The following GARNL3 variants were observed in gnomAD, a reference collection of about 807,000 sequenced individuals.
GARNL3 encodes the protein GTPase-activating Rap/Ran-GAP domain-like protein 3.
A neutral mutation model predicts 125.0 loss-of-function variants in GARNL3; 63 were observed. The ratio of observed to expected loss-of-function variants is 0.50; its 90% CI spans 0.41 to 0.62. The LOEUF (loss-of-function observed/expected upper bound fraction) is 0.62. GARNL3 is among the 20% of genes least tolerant of loss of function. The pLI is 0.00. For missense variants in GARNL3, 994 were observed against 1,244.0 expected (o/e 0.80, Z 3.02); for synonymous variants, 439 against 457.5 (o/e 0.96, Z 0.52).
intron 6 of GARNL3, among the ~76,000 whole-genome samples, chr9:127,322,133 C>T (rs943585534): frequency 6.6e-6 from 1 of 152,198 alleles, no homozygotes; most frequent in African/African-American, 2.4e-5. Context: ...ACAAGTGATA[C>T]TTTATAGCAA....
At chr9:127,333,172 G>A in intron 9 of GARNL3, 51 bp downstream of exon 9, 2 of 1,446,164 alleles carry the variant, frequency 1.4e-6, no homozygotes, top group Non-Finnish European at 1.9e-6. Context: ...ACTTTTGTAA[G>A]TCAGCCTGAC....
At chr9:127,383,578 C>T (rs1832386097) in intron 23 of GARNL3, 33 bp downstream of exon 23, 3 of 1,398,132 alleles carry the variant, frequency 2.1e-6, no homozygotes, top group East Asian at 4.6e-5. Context: ...TGCTTTTCTC[C>T]TTCATGGATA....
At chr9:127,276,620 C>T (rs752941956) in intron 1 of GARNL3, among the ~76,000 whole-genome samples, 9 of 152,252 alleles carry the variant, frequency 5.9e-5, no homozygotes, top group Non-Finnish European at 1.2e-4. Flanking sequence ...CCATAGGCAA[C>T]TAAACTGCAA....
chr9:127,265,768 T>C (rs1239397558), intron 1 of GARNL3, among the ~76,000 whole-genome samples: 1 of 152,234 alleles, frequency 6.6e-6, no homozygotes, highest in Non-Finnish European at 1.5e-5. Flanking sequence ...ACTATTTCTA[T>C]TTATTAAAAA....
At chr9:127,353,636 C>T (rs998845883) in intron 17 of GARNL3, 2 of 557,986 alleles carry the variant, frequency 3.6e-6, no homozygotes, top group African/African-American at 3.8e-5. Flanking sequence ...TATAGAATTG[C>T]CTATGGGAAG....
intron 12 of GARNL3, among the ~76,000 whole-genome samples, chr9:127,338,668 G>T (rs1253506783): frequency 6.6e-6 from 1 of 152,186 alleles, no homozygotes; most frequent in Non-Finnish European, 1.5e-5. Context: ...ACAATCAGAG[G>T]CAATACTGTA....
intron 3 of GARNL3, 131 bp from the exon 4 acceptor site, chr9:127,313,310 T>C (rs1229938774): frequency 1.4e-6 from 1 of 732,096 alleles, no homozygotes; most frequent in Middle Eastern, 3.3e-4. Flanking sequence ...TCAGGGTCCA[T>C]CCCAAGCTGG....
rs2064086081 is a variant in GARNL3 at position 127,280,952 on chromosome 9, A to G, written c.145-10216A>G. ...TGGCTCAGAAGATTGGATGGTGGTG[A>G]GGATCTAGCCATAATCAAATAGCAT... On this transcript the variant is annotated intron_variant, in intron 1 of 27. Coordinates refer to ENST00000373387, the MANE Select transcript of GARNL3 (RefSeq NM_032293.5). This position sits in a 1 kb window ranked among gnomAD's most constrained non-coding sequence, Gnocchi z 4.5. Among the ~76,000 whole-genome samples the G allele has an allele frequency of 1.3e-5, 2 of 152,172 alleles. No homozygotes were observed. Among genetic ancestry groups the G allele is most frequent in the African/African-American group, 2.4e-5 (1 of 41,440 alleles).
intron 2 of GARNL3, chr9:127,300,514 G>A (rs2064750004): frequency 2.7e-6 from 1 of 366,756 alleles, no homozygotes; most frequent in South Asian, 2.2e-5. Flanking sequence ...GAGTGCAGTG[G>A]TGGGATCTTG....
chr9:127,228,143 T>G (rs1290293520), intron 1 of GARNL3, among the ~76,000 whole-genome samples: 1 of 152,238 alleles, frequency 6.6e-6, no homozygotes, highest in Non-Finnish European at 1.5e-5. Context: ...TTCTGAAATC[T>G]CTTTTAAATT....
At chr9:127,339,393 G>A (rs1829739392) in intron 12 of GARNL3, among the ~76,000 whole-genome samples, 1 of 152,148 alleles carries the variant, frequency 6.6e-6, no homozygotes, top group Non-Finnish European at 1.5e-5. Flanking sequence ...GTCTTACATG[G>A]TGGCGGCAAG....
intron 2 of GARNL3, among the ~76,000 whole-genome samples, chr9:127,256,563 A>T (rs2063498799): frequency 1.3e-5 from 2 of 152,220 alleles, no homozygotes; most frequent in South Asian, 4.1e-4. Context: ...CAGGGACCGC[A>T]TATCTCAGGT....
At chr9:127,313,046 C>T (rs1455674116) in intron 3 of GARNL3, among the ~76,000 whole-genome samples, 2 of 152,184 alleles carry the variant, frequency 1.3e-5, no homozygotes, top group Non-Finnish European at 2.9e-5. Flanking sequence ...TCTGCTTCCC[C>T]ATCCTTAGTG....
Position 127,242,812 on chromosome 9 carries a change from G to A in GARNL3, c.-28-267G>A, listed in dbSNP as rs1330418023. Among the ~76,000 whole-genome samples the A allele has an allele frequency of 6.6e-6, 1 of 152,094 alleles. No individual in the cohort carries two copies. Among genetic ancestry groups the A allele is most frequent in the Non-Finnish European group, 1.5e-5 (1 of 68,026 alleles). Reference sequence around the variant, plus strand: ...GTTTGTGATTGTTCAAATGCTCACTGGGCCTCCTTTTACTTTATACTCCGC... The same window carrying A: ...GTTTGTGATTGTTCAAATGCTCACTAGGCCTCCTTTTACTTTATACTCCGC... On this transcript the variant is annotated intron_variant, in intron 1 of 10. Coordinates refer to the GARNL3 transcript ENST00000439286. The surrounding 1 kb of genome is among the most constrained non-coding windows in gnomAD (Gnocchi z 4.6).
Position 127,351,476 on chromosome 9 carries a change from A to T in GARNL3, c.1544-2370A>T, listed in dbSNP as rs551492023. 4.6e-4 allele frequency among the ~76,000 whole-genome samples: 62 copies of T among 135,376 alleles called. No homozygotes were observed. In the East Asian group the frequency reaches 0.012, roughly 26 times the overall value. 88.8% of individuals were successfully genotyped at this position (135,376 alleles called of 152,430 possible). A position where few individuals can be genotyped will look rare whatever the true frequency, so the allele number is the denominator to read the frequency against. Reference sequence around the variant, plus strand: ...ATGATGCTTCTGTTTGTTTTTGCTTAAAAAAAAAAGAAGAAGAATCTTCAG... The same window carrying T: ...ATGATGCTTCTGTTTGTTTTTGCTTTAAAAAAAAAGAAGAAGAATCTTCAG... On this transcript the variant is annotated intron_variant, in intron 17 of 27. Coordinates refer to ENST00000373387, the MANE Select transcript of GARNL3 (RefSeq NM_032293.5).
At chr9:127,230,898 A>G (rs1178225007) in intron 1 of GARNL3, among the ~76,000 whole-genome samples, 2 of 150,974 alleles carry the variant, frequency 1.3e-5, no homozygotes, top group Non-Finnish European at 2.9e-5. Context: ...AGGGGTGTTT[A>G]GAGGTGAAAC....
intron 1 of GARNL3, among the ~76,000 whole-genome samples, chr9:127,270,037 A>G (rs973876143): frequency 6.6e-6 from 1 of 152,142 alleles, no homozygotes; most frequent in Admixed American, 6.5e-5. Context: ...ATTCTCTTGT[A>G]TGTTTTCTTC....
At chr9:127,299,853 C>T (rs1564895161) in intron 2 of GARNL3, among the ~76,000 whole-genome samples, 1 of 152,124 alleles carries the variant, frequency 6.6e-6, no homozygotes, top group African/African-American at 2.4e-5. Flanking sequence ...GTGTGAGCCA[C>T]CGTGCCCAGC....
intron 1 of GARNL3, among the ~76,000 whole-genome samples, chr9:127,277,070 G>A (rs951312993): frequency 5.3e-5 from 8 of 152,184 alleles, no homozygotes; most frequent in African/African-American, 1.9e-4. Context: ...GCTGTTACAG[G>A]CTGCTCCAGT....
Sources: allele counts gnomAD v4.1 joint callset (sites outside exome capture counted in the v4.1 genomes callset), GRCh38; gene constraint gnomAD v4.1.1; non-coding constraint Gnocchi (gnomAD v3.1); transcripts MANE v1.5; gene names NCBI Gene and HGNC (gene_info 2026-07-23, HGNC 2026-07-21).